The following VPS8 variants were observed in gnomAD, a reference collection of about 807,000 sequenced individuals.
VPS8 encodes the protein VPS8 subunit of CORVET complex.
A neutral mutation model predicts 216.4 loss-of-function variants in VPS8; 129 were observed. That is an observed-to-expected ratio of 0.60 (90% CI 0.52 to 0.69). VPS8 has a LOEUF of 0.69. Ranked by LOEUF, VPS8 falls within the 30% of genes least tolerant of loss-of-function variation. The pLI is 0.00. For missense variants in VPS8, 1,531 were observed against 1,683.5 expected, an observed-to-expected ratio of 0.91 and a Z score of 1.59; for synonymous variants, 571 against 565.4, an observed-to-expected ratio of 1.01 and a Z score of -0.14.
At chr3:184,952,625 A>G (rs1400630939) in intron 36 of VPS8, among the ~76,000 whole-genome samples, 3 of 152,210 alleles carry the variant, frequency 2.0e-5, no homozygotes, top group African/African-American at 7.2e-5. Flanking sequence ...AGAGTCATGA[A>G]TATTTATGAA....
chr3:184,887,787 G>T (rs114565092), intron 22 of VPS8, among the ~76,000 whole-genome samples: 12 of 152,278 alleles, frequency 7.9e-5, no homozygotes, highest in Non-Finnish European at 1.6e-4. Flanking sequence ...TTCAGAAAAG[G>T]TTGGGTCATA....
At chr3:184,955,643 C>T (rs1481461655) in intron 36 of VPS8, among the ~76,000 whole-genome samples, 1 of 152,098 alleles carries the variant, frequency 6.6e-6, no homozygotes, top group Non-Finnish European at 1.5e-5. Flanking sequence ...AATCTCTTGT[C>T]TCTGCACACA....
intron 29 of VPS8, among the ~76,000 whole-genome samples, chr3:184,924,504 G>A (rs1023142209): frequency 2.0e-5 from 3 of 150,754 alleles, no homozygotes; most frequent in Non-Finnish European, 2.9e-5. Context: ...GCAACAGAAC[G>A]AGACTCCATC....
intron 28 of VPS8, among the ~76,000 whole-genome samples, chr3:184,916,699 G>A (rs982326144): frequency 2.0e-5 from 3 of 152,118 alleles, no homozygotes; most frequent in Non-Finnish European, 4.4e-5. Context: ...TAAATGTCCA[G>A]AGGGGAACAT....
chr3:184,970,990 G>A (rs1748312030), intron 39 of VPS8, among the ~76,000 whole-genome samples: 1 of 152,198 alleles, frequency 6.6e-6, no homozygotes, highest in African/African-American at 2.4e-5. Context: ...TTATAAACTG[G>A]TTGACTTAAA....
rs747085489 is a variant in VPS8 at position 184,894,710 on chromosome 3, T to A, written c.1789T>A (p.Leu597Ile). The change falls in exon 23 of 48, where the codon TTA becomes ATA. Residue 597 changes from leucine (L) to isoleucine (I), a missense_variant. Physicochemically the swap from Leu to Ile is conservative, Grantham distance 5. Around this residue, in one of 3 missense-constraint regions of VPS8, gnomAD observed 1,318 missense variants for 1,468.4 expected, o/e 0.90. Transcript: ENST00000625842. ...CCCCCCTTTCTGTTACAGGGATCTT[T>A]TATTTAGTCAGATGTATGATAAATT... is the stretch of plus-strand genomic sequence containing the variant. ...YCLLLQRKDL[L>I]FSQMYDKLSE... 1.3e-6 allele frequency: 2 copies of A among 1,597,188 alleles called. No homozygotes were observed. The highest frequency in any genetic ancestry group is 1.7e-5 in the Admixed American group (1 of 57,430).
chr3:185,032,085 AC>A (rs2108456633), intron 46 of VPS8, among the ~76,000 whole-genome samples: 1 of 151,828 alleles, frequency 6.6e-6, no homozygotes, highest in Admixed American at 6.6e-5. Context: ...AATTGCTTGA[AC>A]CCGGGAGGCG....
chr3:184,826,457 A>G (rs1000427304), intron 3 of VPS8, among the ~76,000 whole-genome samples: 15 of 152,292 alleles, frequency 9.8e-5, no homozygotes, highest in Middle Eastern at 3.4e-3. Flanking sequence ...GCTAGTGGCT[A>G]CTATATGGCT....
At chr3:184,960,615 T>G (rs1746350103) in intron 37 of VPS8, among the ~76,000 whole-genome samples, 1 of 152,206 alleles carries the variant, frequency 6.6e-6, no homozygotes, top group African/African-American at 2.4e-5. Context: ...CCATATAATT[T>G]AGCACATCAG....
At chr3:184,897,603 A>G (rs984707513) in intron 23 of VPS8, among the ~76,000 whole-genome samples, 9 of 152,114 alleles carry the variant, frequency 5.9e-5, no homozygotes, top group Non-Finnish European at 7.4e-5. Context: ...GAAGAGATGC[A>G]TGATCATGGT....
chr3:184,945,052 A>G (rs958436309), intron 36 of VPS8, among the ~76,000 whole-genome samples: 1 of 152,060 alleles, frequency 6.6e-6, no homozygotes, highest in East Asian at 1.9e-4. Flanking sequence ...GCTTACCCCT[A>G]GATCTTATAT....
chr3:184,979,748 T>C (rs1749880443), intron 40 of VPS8, among the ~76,000 whole-genome samples: 1 of 152,234 alleles, frequency 6.6e-6, no homozygotes, highest in Non-Finnish European at 1.5e-5. Flanking sequence ...CTTGCTTCTT[T>C]ATCCAGCTTA....
chr3:185,048,314 G>A (rs1019564155), intron 46 of VPS8, among the ~76,000 whole-genome samples, 165 bp from the exon 47 acceptor site: 1 of 152,200 alleles, frequency 6.6e-6, no homozygotes, highest in Non-Finnish European at 1.5e-5. Flanking sequence ...GGGACGTGCC[G>A]ATTTCTAACT....
At chr3:184,826,125 G>A (rs745532370) in intron 2 of VPS8, 38 bp from the exon 3 acceptor site, 76 of 1,449,772 alleles carry the variant, frequency 5.2e-5, no homozygotes, top group African/African-American at 3.2e-4. Flanking sequence ...AAGCAGAAAG[G>A]CATCATTTTG....
intron 8 of VPS8, among the ~76,000 whole-genome samples, chr3:184,846,958 T>A (rs929050649): frequency 6.6e-6 from 1 of 152,208 alleles, no homozygotes; most frequent in Non-Finnish European, 1.5e-5. Context: ...TCAGGAAAAT[T>A]ATAGAATAAA....
chr3:184,833,255 G>A lies in VPS8; in HGVS notation c.353+436G>A, dbSNP rs1360749456. On this transcript the variant is annotated intron_variant, in intron 4 of 47. Transcript: ENST00000625842. ...AAGACGATTAAAAATTCAGGAAAAGGACTTCTAACCCTAAATAACTTAAAT... is the reference window on the plus strand; with the variant it reads ...AAGACGATTAAAAATTCAGGAAAAGAACTTCTAACCCTAAATAACTTAAAT... Among the ~76,000 whole-genome samples, 2 of 152,116 alleles carry A rather than the reference G, an allele frequency of 1.3e-5. 1 individual carries two copies. Among genetic ancestry groups the A allele is most frequent in the Non-Finnish European group, 2.9e-5 (2 of 68,024 alleles).
At chr3:184,845,863 C>T (rs1723029727) in intron 8 of VPS8, among the ~76,000 whole-genome samples, 1 of 151,550 alleles carries the variant, frequency 6.6e-6, no homozygotes. Flanking sequence ...ATGTCTCTCA[C>T]CATCACTGCT....
chr3:184,961,527 A>AAGT lies in VPS8; in HGVS notation c.3184-2938_3184-2936dup, dbSNP rs571863744. Among the ~76,000 whole-genome samples the AAGT allele has an allele frequency of 3.1e-4, 47 of 152,214 alleles. 1 individual carries two copies. The East Asian group carries it at 8.9e-3, about 29-fold the overall frequency. ...TATTGTTTTTGTTTGTTTATATTAA[A>AAGT]AGTAGAGCACCCATTATCTGTCTTA... On this transcript the variant is annotated intron_variant, in intron 37 of 47. Coordinates refer to ENST00000625842, the MANE Select transcript of VPS8 (RefSeq NM_001009921.3).
At chr3:184,971,512 T>C (rs573642226) in intron 39 of VPS8, 137 bp from the exon 40 acceptor site, 2 of 558,146 alleles carry the variant, frequency 3.6e-6, no homozygotes, top group African/African-American at 3.9e-5. Context: ...TATAAAACAT[T>C]AGCATCAGGT....
Sources: allele counts gnomAD v4.1 joint callset (sites outside exome capture counted in the v4.1 genomes callset), GRCh38; gene constraint gnomAD v4.1.1; regional missense constraint gnomAD v4.1.1; transcripts MANE v1.5; gene names NCBI Gene and HGNC (gene_info 2026-07-23, HGNC 2026-07-21).